Variants in PALLD observed in about 807,000 individuals in gnomAD.
PALLD encodes palladin.
In PALLD, 61 loss-of-function variants were observed where a neutral mutation model predicts 123.5. The observed-to-expected ratio is 0.49, with a 90% CI of 0.40 to 0.61. The LOEUF is 0.61. PALLD is among the 20% of genes least tolerant of loss of function. PALLD has a pLI of 0.00. For synonymous variants in PALLD, 465 were observed against 496.4 expected, an observed-to-expected ratio of 0.94 and a Z score of 0.84; for missense variants, 1,273 against 1,377.0, an observed-to-expected ratio of 0.92 and a Z score of 1.20.
At chr4:168,704,256 A>G (rs928570642) in intron 8 of PALLD, among the ~76,000 whole-genome samples, 15 of 152,090 alleles carry the variant, frequency 9.9e-5, no homozygotes, top group Non-Finnish European at 2.1e-4. Flanking sequence ...AGACTTAAAC[A>G]TTAGACCTAA....
At chr4:168,592,870 G>A (rs1771574438) in intron 2 of PALLD, among the ~76,000 whole-genome samples, 1 of 152,108 alleles carries the variant, frequency 6.6e-6, no homozygotes. Flanking sequence ...AACTTGAAGA[G>A]GAATCTAGGT....
intron 14 of PALLD, among the ~76,000 whole-genome samples, chr4:168,899,945 G>A (rs901238081): frequency 1.3e-5 from 2 of 151,890 alleles, no homozygotes; most frequent in Non-Finnish European, 2.9e-5. Context: ...AAGAAAATAG[G>A]CTTTACTGGC....
At chr4:168,677,577 C>G (rs894045120) in intron 3 of PALLD, among the ~76,000 whole-genome samples, 1 of 152,004 alleles carries the variant, frequency 6.6e-6, no homozygotes, top group African/African-American at 2.4e-5. Flanking sequence ...CCCAATTTTT[C>G]GCTACCTTGA....
chr4:168,831,998 C>G, intron 10 of PALLD: 1 of 985,450 alleles, frequency 1.0e-6, no homozygotes, highest in Non-Finnish European at 1.2e-6. Flanking sequence ...GCCGCGCCGC[C>G]GGACTCTTAT....
chr4:168,710,879 G>A (rs919054173), intron 9 of PALLD, among the ~76,000 whole-genome samples: 3 of 152,154 alleles, frequency 2.0e-5, no homozygotes, highest in African/African-American at 7.2e-5. Context: ...TCTGCTATAG[G>A]TCAAACATAA....
At chr4:168,600,268 A>G (rs1251274993) in intron 2 of PALLD, among the ~76,000 whole-genome samples, 1 of 152,166 alleles carries the variant, frequency 6.6e-6, no homozygotes, top group Non-Finnish European at 1.5e-5. Context: ...CAACAGTTAC[A>G]TGTTCTACCA....
chr4:168,593,970 T>C (rs1187420027), intron 2 of PALLD, among the ~76,000 whole-genome samples: 2 of 152,214 alleles, frequency 1.3e-5, no homozygotes, highest in Admixed American at 1.3e-4. Flanking sequence ...TATTGGAGGC[T>C]TATAGAAAAA....
intron 2 of PALLD, among the ~76,000 whole-genome samples, chr4:168,533,492 G>A (rs1764796568): frequency 6.6e-6 from 1 of 152,176 alleles, no homozygotes; most frequent in South Asian, 2.1e-4. Context: ...AAGTCTGAAT[G>A]ACTAGATGAC....
Position 168,857,297 on chromosome 4 carries a change from A to G in PALLD, c.1965-33625A>G, listed in dbSNP as rs1256139533. ...CATTGTTTGCTTACCCTAATGCTCCATTACATCTCAGGATTTATTTATAAA... is the reference window on the plus strand; with the variant it reads ...CATTGTTTGCTTACCCTAATGCTCCGTTACATCTCAGGATTTATTTATAAA... On this transcript the variant is annotated intron_variant, in intron 10 of 21. Coordinates refer to ENST00000505667, the MANE Select transcript of PALLD (RefSeq NM_001166108.2). Among the ~76,000 whole-genome samples, 5 of 152,208 alleles carry G rather than the reference A, an allele frequency of 3.3e-5. No homozygotes were observed. In the East Asian group the frequency reaches 9.6e-4, roughly 29 times the overall value.
intron 15 of PALLD, among the ~76,000 whole-genome samples, chr4:168,912,581 T>G (rs1322241412): frequency 6.6e-6 from 1 of 152,196 alleles, no homozygotes; most frequent in Non-Finnish European, 1.5e-5. Flanking sequence ...TATCAAACTC[T>G]TTTTTTGCTT....
chr4:168,918,343 T>TAC (rs1202454647), intron 17 of PALLD, among the ~76,000 whole-genome samples: 1 of 150,886 alleles, frequency 6.6e-6, no homozygotes, highest in Non-Finnish European at 1.5e-5. Context: ...TATATATACA[T>TAC]ACATACACAC....
At chr4:168,872,748 T>C (rs1330979766) in intron 10 of PALLD, among the ~76,000 whole-genome samples, 1 of 152,174 alleles carries the variant, frequency 6.6e-6, no homozygotes, top group Admixed American at 6.5e-5. Flanking sequence ...CAATCATAAG[T>C]TAGTGCTAAA....
intron 2 of PALLD, among the ~76,000 whole-genome samples, chr4:168,609,345 CAAA>C (rs5863949): frequency 1.4e-5 from 1 of 71,594 alleles, no homozygotes; most frequent in East Asian, 5.6e-4. Flanking sequence ...AAGCTGTTAC[CAAA>C]AAAAAAAAAA....
intron 10 of PALLD, among the ~76,000 whole-genome samples, chr4:168,728,327 C>G (rs1424812311): frequency 6.6e-6 from 1 of 152,160 alleles, no homozygotes; most frequent in African/African-American, 2.4e-5. Flanking sequence ...ATTGATCTTT[C>G]CAATCCATTA....
At chr4:168,823,167 T>G (rs979864825) in intron 10 of PALLD, among the ~76,000 whole-genome samples, 8 of 152,088 alleles carry the variant, frequency 5.3e-5, no homozygotes, top group Non-Finnish European at 2.9e-5. Flanking sequence ...CTGGGTTTAT[T>G]AAAATTAAAA....
intron 3 of PALLD, among the ~76,000 whole-genome samples, chr4:168,672,324 A>G (rs921456574): frequency 6.6e-6 from 1 of 152,320 alleles, no homozygotes; most frequent in South Asian, 2.1e-4. Context: ...CTGTAGTGGT[A>G]TGGAACATTA....
chr4:168,553,279 TG>T (rs1561239582), intron 2 of PALLD, among the ~76,000 whole-genome samples: 2 of 152,010 alleles, frequency 1.3e-5, no homozygotes, highest in Admixed American at 6.5e-5. Context: ...AGGGCAAGTC[TG>T]GGGAAAAAAA....
chr4:168,679,740 G>T (rs560455518), intron 3 of PALLD, among the ~76,000 whole-genome samples: 4 of 152,102 alleles, frequency 2.6e-5, no homozygotes, highest in South Asian at 2.1e-4. Context: ...CAAATTTGGG[G>T]TTTTTTATTT....
chr4:168,596,018 T>C (rs1561286543), intron 2 of PALLD, among the ~76,000 whole-genome samples: 1 of 152,092 alleles, frequency 6.6e-6, no homozygotes. Context: ...TGTGTTGTTA[T>C]AAATGTACTA....
Sources: allele counts gnomAD v4.1 joint callset (sites outside exome capture counted in the v4.1 genomes callset), GRCh38; gene constraint gnomAD v4.1.1; transcripts MANE v1.5; gene names NCBI Gene and HGNC (gene_info 2026-07-23, HGNC 2026-07-21).